Variants in BCAS2 observed in about 807,000 individuals in gnomAD.
BCAS2 encodes BCAS2 pre-mRNA processing factor.
A neutral mutation model predicts 35.3 loss-of-function variants in BCAS2; 34 were observed. That is an observed-to-expected ratio of 0.96 (90% CI 0.73 to 1.28). BCAS2 has a LOEUF of 1.28. BCAS2 is among the 50% of genes most tolerant of loss of function. The probability of loss-of-function intolerance (pLI) is 0.00; values close to 1 mark genes in which losing one functional copy is unlikely to be tolerated. For missense variants in BCAS2, 221 were observed against 268.1 expected (o/e 0.82, Z 1.23); for synonymous variants, 75 against 91.6 (o/e 0.82, Z 1.03).
chr1:114,569,256 G>A lies in BCAS2; in HGVS notation c.551+736C>T, dbSNP rs1654592625. Among the ~76,000 whole-genome samples, 3 of 151,882 alleles carry A rather than the reference G, an allele frequency of 2.0e-5. No homozygotes were observed. The South Asian group carries it at 6.2e-4, about 32-fold the overall frequency. ...TTAAATTGAGGAAAAAGCGTGAAAG[G>A]GTACCAACGAGACTGGTAAGACGTA... On this transcript the variant is annotated intron_variant, in intron 6 of 6. Transcript: ENST00000369541.
At chr1:114,577,394 C>T (rs1240696640) in intron 2 of BCAS2, among the ~76,000 whole-genome samples, 3 of 150,242 alleles carry the variant, frequency 2.0e-5, no homozygotes, top group East Asian at 1.9e-4. Context: ...TTTTGTGAGA[C>T]GAAGTCTCGC....
intron 3 of BCAS2, 95 bp from the exon 4 acceptor site, chr1:114,575,846 T>C (rs534076575): frequency 2.2e-6 from 3 of 1,346,348 alleles, no homozygotes; most frequent in East Asian, 2.5e-5. Context: ...CCATATAGTA[T>C]AAAAACTACA....
At chr1:114,571,926 G>A (rs1274543628) in intron 4 of BCAS2, among the ~76,000 whole-genome samples, 1 of 152,084 alleles carries the variant, frequency 6.6e-6, no homozygotes, top group Non-Finnish European at 1.5e-5. Context: ...ACTAGCACAG[G>A]GGAAAAGTTC....
chr1:114,580,137 T>C lies in BCAS2; in HGVS notation c.186+1162A>G, dbSNP rs59219923. 6.4e-3 allele frequency among the ~76,000 whole-genome samples: 979 copies of C among 152,138 alleles called. 13 individuals are homozygous for C. Among genetic ancestry groups the C allele is most frequent in the African/African-American group, 0.022 (921 of 41,514 alleles). On this transcript the variant is annotated intron_variant, in intron 2 of 6. Coordinates refer to ENST00000369541, the MANE Select transcript of BCAS2 (RefSeq NM_005872.3). ...TTCTTTTGTAGAGAAAGGGTCTCAC[T>C]ATGTTGCCCAGGCTGGTCTCAAGTG...
intron 2 of BCAS2, among the ~76,000 whole-genome samples, chr1:114,579,946 C>G (rs61811016): frequency 1.4e-5 from 2 of 145,896 alleles, no homozygotes; most frequent in Non-Finnish European, 3.0e-5. Context: ...TTTTTTTTCC[C>G]TTTGAGACAG....
At chr1:114,580,426 T>C (rs1267463415) in intron 2 of BCAS2, among the ~76,000 whole-genome samples, 5 of 152,220 alleles carry the variant, frequency 3.3e-5, no homozygotes, top group African/African-American at 1.2e-4. Context: ...TCATACTCAA[T>C]GTGTGGAGTA....
At chr1:114,581,196 A>T in intron 2 of BCAS2, 103 bp downstream of exon 2, 1 of 1,126,514 alleles carries the variant, frequency 8.9e-7, no homozygotes, top group Non-Finnish European at 1.4e-6. Context: ...GTAGGTAAGT[A>T]GTAGCTATGC....
At chr1:114,579,186 G>T (rs1262647146) in intron 2 of BCAS2, among the ~76,000 whole-genome samples, 1 of 152,210 alleles carries the variant, frequency 6.6e-6, no homozygotes, top group African/African-American at 2.4e-5. Context: ...TGAGGCAGAA[G>T]AATGGCTTGA....
At chr1:114,581,077 G>C (rs1476326894) in intron 2 of BCAS2, among the ~76,000 whole-genome samples, 1 of 152,144 alleles carries the variant, frequency 6.6e-6, no homozygotes, top group Non-Finnish European at 1.5e-5. Context: ...ACAAATTTTT[G>C]CATTAAGTGA....
Position 114,567,972 on chromosome 1 carries a change from T to C in BCAS2, c.*158A>G. ...TAGACATTTTAATTCTGTTGAGATATACAAATAGAATTACCACAGCAGCCT... is the reference window on the plus strand; with the variant it reads ...TAGACATTTTAATTCTGTTGAGATACACAAATAGAATTACCACAGCAGCCT... On this transcript the variant is annotated 3_prime_UTR_variant, in exon 7 of 7. Transcript: ENST00000369541. The C allele has an allele frequency of 4.2e-6, 4 of 958,046 alleles. No individual in the cohort carries two copies. Among genetic ancestry groups the C allele is most frequent in the Non-Finnish European group, 6.1e-6 (4 of 651,876 alleles). 59.3% of individuals were successfully genotyped at this position (958,046 alleles called of 1,614,324 possible). A position where few individuals can be genotyped will look rare whatever the true frequency, so the allele number is the denominator to read the frequency against.
In BCAS2 at chr1:114,568,213, T is replaced by C. The variant is rs765323904; in HGVS notation, c.595A>G (p.Ile199Val). The C allele has an allele frequency of 1.1e-5, 17 of 1,613,850 alleles. No homozygotes were observed. The highest frequency in any genetic ancestry group is 3.3e-5 in the Admixed American group (2 of 59,996). ...TAGATTTCATTTTCTAGCTGAACAA[T>C]AGTCCGTTCAATCTCATAATTCTTA... ...VSKNYEIERT[I>V]VQLENEIYQI... Residue 199 changes from isoleucine (I) to valine (V), a missense_variant, in exon 7 of 7, where the codon ATT becomes GTT. Physicochemically the swap from Ile to Val is conservative, Grantham distance 29 (BLOSUM62 3). Coordinates refer to ENST00000369541, the MANE Select transcript of BCAS2 (RefSeq NM_005872.3).
chr1:114,572,325 A>G (rs1294513720), intron 4 of BCAS2, among the ~76,000 whole-genome samples: 1 of 152,158 alleles, frequency 6.6e-6, no homozygotes, highest in African/African-American at 2.4e-5. Flanking sequence ...GCTGAGCACT[A>G]TTGATTTTAG....
chr1:114,575,675 C>A lies in BCAS2; in HGVS notation c.334G>T (p.Ala112Ser). Reference sequence around the variant, plus strand: ...CTAACTGCTTGATGCTCTAACTGGGCCATAGAATTGTTTACACATTCTTGC... The same window carrying A: ...CTAACTGCTTGATGCTCTAACTGGGACATAGAATTGTTTACACATTCTTGC... The part of the protein sequence containing the change: ...AWQECVNNSM[A>S]QLEHQAVRIE... Residue 112 changes from alanine (A) to serine (S), a missense_variant, in exon 4 of 7, where the codon GCC becomes TCC. By Grantham distance (99) the Ala-to-Ser change is moderately conservative (BLOSUM62 1). Coordinates refer to ENST00000369541, the MANE Select transcript of BCAS2 (RefSeq NM_005872.3). 1 of 1,613,096 alleles carries A rather than the reference C, an allele frequency of 6.2e-7. No individual in the cohort carries two copies. The highest frequency in any genetic ancestry group is 8.5e-7 in the Non-Finnish European group (1 of 1,179,790).
intron 5 of BCAS2, among the ~76,000 whole-genome samples, 182 bp from the exon 6 acceptor site, chr1:114,570,254 C>T (rs1012760598): frequency 6.7e-6 from 1 of 148,936 alleles, no homozygotes; most frequent in Non-Finnish European, 1.5e-5. Flanking sequence ...ATAAAACATG[C>T]TCATTGTGAG....
chr1:114,579,572 A>G (rs74937933), intron 2 of BCAS2, among the ~76,000 whole-genome samples: 7,558 of 152,250 alleles, frequency 0.05, 207 homozygotes, highest in South Asian at 0.085. Context: ...TCTTCTACTT[A>G]AAACTCAGCC....
intron 2 of BCAS2, among the ~76,000 whole-genome samples, chr1:114,580,507 T>G (rs374053998): frequency 6.6e-6 from 1 of 152,198 alleles, no homozygotes; most frequent in East Asian, 1.9e-4. Flanking sequence ...ATACATACCC[T>G]CCGCTATAGG....
intron 6 of BCAS2, among the ~76,000 whole-genome samples, chr1:114,569,166 GAAGA>G (rs775109723): frequency 2.0e-5 from 3 of 152,108 alleles, no homozygotes; most frequent in African/African-American, 4.8e-5. Flanking sequence ...TTGCAAACCA[GAAGA>G]AAGAGGAAAG....
intron 4 of BCAS2, among the ~76,000 whole-genome samples, chr1:114,575,118 C>T (rs1194476858): frequency 2.0e-5 from 3 of 151,230 alleles, no homozygotes; most frequent in East Asian, 1.9e-4. Flanking sequence ...GTGATCCACC[C>T]GCCTCGGCCT....
intron 2 of BCAS2, among the ~76,000 whole-genome samples, chr1:114,580,193 G>T (rs1654854292): frequency 6.6e-6 from 1 of 151,840 alleles, no homozygotes; most frequent in Admixed American, 6.6e-5. Context: ...TAAAGTGCTG[G>T]GATTACAGGT....
Sources: allele counts gnomAD v4.1 joint callset (sites outside exome capture counted in the v4.1 genomes callset), GRCh38; gene constraint gnomAD v4.1.1; transcripts MANE v1.5; gene names NCBI Gene and HGNC (gene_info 2026-07-23, HGNC 2026-07-21).